SLC2A9: variants seen among roughly 807,000 people sequenced by gnomAD.
The protein encoded by SLC2A9 is solute carrier family 2 member 9.
In SLC2A9, 39 loss-of-function variants were observed where a neutral mutation model predicts 50.6. That is an observed-to-expected ratio of 0.77 (90% CI 0.60 to 1.01). The LOEUF is 1.01. SLC2A9 is among the 50% of genes least tolerant of loss of function. The pLI, the probability that SLC2A9 is intolerant of heterozygous loss-of-function variation, is 0.00. For synonymous variants in SLC2A9, 324 were observed against 276.9 expected, an observed-to-expected ratio of 1.17 and a Z score of -1.69; for missense variants, 686 against 677.6, an observed-to-expected ratio of 1.01 and a Z score of -0.14.
chr4:9,794,017 G>C (rs969910822), intron 3 of SLC2A9, among the ~76,000 whole-genome samples: 43 of 152,268 alleles, frequency 2.8e-4, no homozygotes, highest in African/African-American at 9.9e-4. Context: ...AAACGTTTCT[G>C]AATTTGGTTC....
intron 10 of SLC2A9, among the ~76,000 whole-genome samples, chr4:9,857,077 T>A (rs11728377): frequency 0.36 from 54,037 of 151,854 alleles, 10,189 homozygotes; most frequent in Admixed American, 0.46. Flanking sequence ...TACCTATATA[T>A]CAAACCTGCA....
downstream of SLC2A9, among the ~76,000 whole-genome samples, chr4:9,794,516 G>T (rs546462124): frequency 6.6e-6 from 1 of 152,336 alleles, no homozygotes; most frequent in South Asian, 2.1e-4. Context: ...AGCTAAAGGT[G>T]CTGAGGCTCA....
At chr4:9,933,381 G>T (rs1452579718) in intron 6 of SLC2A9, among the ~76,000 whole-genome samples, 2 of 152,170 alleles carry the variant, frequency 1.3e-5, no homozygotes, top group African/African-American at 4.8e-5. Context: ...AGGGGAGGGA[G>T]GGTGAACGCA....
intron 10 of SLC2A9, among the ~76,000 whole-genome samples, chr4:9,860,636 C>T (rs1204053271): frequency 2.6e-5 from 4 of 152,246 alleles, no homozygotes; most frequent in Non-Finnish European, 5.9e-5. Flanking sequence ...CCCACCTTTC[C>T]CATCTAGGGC....
chr4:10,019,347 A>C (rs1159206607), intron 1 of SLC2A9: 13 of 540,716 alleles, frequency 2.4e-5, no homozygotes, highest in Non-Finnish European at 4.0e-5. Context: ...CGCAGTTTTC[A>C]GCAGCTGCTC....
chr4:9,913,541 G>GT (rs1342599329), intron 7 of SLC2A9, among the ~76,000 whole-genome samples: 1 of 152,170 alleles, frequency 6.6e-6, no homozygotes, highest in African/African-American at 2.4e-5. Flanking sequence ...CTCACCTACT[G>GT]TTTCCAGGGA....
chr4:9,837,821 C>T (rs565558544), intron 10 of SLC2A9, among the ~76,000 whole-genome samples: 3 of 152,290 alleles, frequency 2.0e-5, no homozygotes, highest in Admixed American at 2.0e-4. Flanking sequence ...TGCACAGCTC[C>T]ACTGTACACA....
rs147019292 is a variant in SLC2A9 at position 9,987,683 on chromosome 4, T to C, written c.411-1890A>G. On this transcript the variant is annotated intron_variant, in intron 3 of 11. Transcript: ENST00000264784. ...ATGGCAGATGCTATTATACTCATTA[T>C]ATAAAAATATAAGTTTTTTTCTCTA... Among the ~76,000 whole-genome samples the C allele has an allele frequency of 1.6e-3, 245 of 152,260 alleles. 1 individual carries two copies. The Middle Eastern group carries it at 0.017, about 11-fold the overall frequency.
At chr4:9,889,056 T>C (rs1025724612) in intron 9 of SLC2A9, among the ~76,000 whole-genome samples, 3 of 152,196 alleles carry the variant, frequency 2.0e-5, no homozygotes, top group African/African-American at 7.2e-5. Flanking sequence ...GAGAGACATG[T>C]GCCAACAGTG....
chr4:9,865,809 G>A (rs992243746), intron 10 of SLC2A9, among the ~76,000 whole-genome samples: 7 of 149,008 alleles, frequency 4.7e-5, no homozygotes, highest in South Asian at 4.1e-4. Context: ...TTTGTTAGAC[G>A]GTCTTTGAAG....
chr4:9,976,083 C>A (rs981336727), intron 5 of SLC2A9, among the ~76,000 whole-genome samples: 15 of 152,118 alleles, frequency 9.9e-5, no homozygotes, highest in Non-Finnish European at 1.9e-4. Flanking sequence ...ACACTAGACA[C>A]TGGAGACAGT....
intron 10 of SLC2A9, among the ~76,000 whole-genome samples, chr4:9,865,497 A>G (rs924026391): frequency 6.6e-6 from 1 of 152,238 alleles, no homozygotes; most frequent in Non-Finnish European, 1.5e-5. Flanking sequence ...ATTGTTACAG[A>G]GTACATTTAA....
chr4:10,020,934 C>G (rs1333097779), intron 1 of SLC2A9, among the ~76,000 whole-genome samples: 1 of 152,220 alleles, frequency 6.6e-6, no homozygotes, highest in African/African-American at 2.4e-5. Flanking sequence ...GCAGAGGGTG[C>G]CCACTGACCG....
At chr4:10,002,725 C>T (rs772519286) in intron 2 of SLC2A9, among the ~76,000 whole-genome samples, 37 of 152,174 alleles carry the variant, frequency 2.4e-4, no homozygotes, top group Admixed American at 5.2e-4. Context: ...TGGTGGTGCA[C>T]GCCTCTAGTC....
chr4:9,817,260 C>T (rs535242586), intron 3 of SLC2A9, among the ~76,000 whole-genome samples: 8 of 152,346 alleles, frequency 5.3e-5, no homozygotes, highest in African/African-American at 1.4e-4. Flanking sequence ...AGTTAACATA[C>T]TCGAAGGTTC....
At chr4:9,810,978 T>C (rs1202119619) in intron 3 of SLC2A9, among the ~76,000 whole-genome samples, 2 of 152,142 alleles carry the variant, frequency 1.3e-5, no homozygotes, top group African/African-American at 2.4e-5. Flanking sequence ...TTTCCAACCT[T>C]TTCTGGTTTG....
chr4:9,866,969 A>T (rs939134), intron 10 of SLC2A9, among the ~76,000 whole-genome samples: 52,767 of 151,970 alleles, frequency 0.35, 10,871 homozygotes, highest in African/African-American at 0.56. Flanking sequence ...CCACTTTTGG[A>T]GCCTAGAATC....
chr4:9,803,749 T>C (rs1721764260), intron 3 of SLC2A9, among the ~76,000 whole-genome samples: 1 of 152,252 alleles, frequency 6.6e-6, no homozygotes, highest in African/African-American at 2.4e-5. Context: ...AGTTCTTCAT[T>C]GTCCTTTAAT....
intron 10 of SLC2A9, among the ~76,000 whole-genome samples, chr4:9,839,809 C>G (rs891133416): frequency 3.3e-5 from 5 of 151,978 alleles, no homozygotes; most frequent in African/African-American, 1.2e-4. Flanking sequence ...CGGAACAACA[C>G]ACACTGGGGC....
Sources: allele counts gnomAD v4.1 joint callset (sites outside exome capture counted in the v4.1 genomes callset), GRCh38; gene constraint gnomAD v4.1.1; transcripts MANE v1.5; gene names NCBI Gene and HGNC (gene_info 2026-07-23, HGNC 2026-07-21).